STK3: variants seen among roughly 807,000 people sequenced by gnomAD.
STK3 encodes the protein serine/threonine kinase 3, also known as serine/threonine-protein kinase 3.
Under a neutral mutation model 58.0 loss-of-function variants are expected in STK3, and 41 were observed. The ratio of observed to expected loss-of-function variants is 0.71; its 90% CI spans 0.55 to 0.92. STK3 has a LOEUF of 0.92. Among genes scored for constraint, STK3 ranks in the 40% least tolerant of loss-of-function variants. The pLI, the probability that STK3 is intolerant of heterozygous loss-of-function variation, is 0.00. For synonymous variants in STK3, 170 were observed against 191.0 expected (o/e 0.89, Z 0.91); for missense variants, 479 against 602.7 (o/e 0.79, Z 2.15).
intron 6 of STK3, among the ~76,000 whole-genome samples, chr8:98,684,347 T>C (rs1164861631): frequency 3.3e-5 from 5 of 152,154 alleles, no homozygotes; most frequent in Non-Finnish European, 7.4e-5. Flanking sequence ...CTTTGGGTAC[T>C]GTGTAACGTC....
chr8:98,477,743 C>G (rs2131262132), intron 10 of STK3, among the ~76,000 whole-genome samples: 1 of 84,212 alleles, frequency 1.2e-5, no homozygotes, highest in African/African-American at 4.8e-5. Context: ...CTAATGAAGG[C>G]AAGGGAGAGG....
chr8:98,371,862 T>C (rs932011806), intron 2 of STK3, among the ~76,000 whole-genome samples: 4 of 152,184 alleles, frequency 2.6e-5, no homozygotes, highest in Non-Finnish European at 5.9e-5. Flanking sequence ...TTGAATTGTC[T>C]CTCCCCAAAT....
intron 1 of STK3, among the ~76,000 whole-genome samples, chr8:98,893,486 G>GAGAAAGAAAGAAAGAAAGAAAGAA (rs570277403): frequency 1.2e-4 from 5 of 42,998 alleles, no homozygotes; most frequent in Non-Finnish European, 1.3e-4. Context: ...AAGAAAGAAA[G>GAGAAAGAAAGAAAGAAAGAAAGAA]AGAAAGAAAG....
intron 6 of STK3, among the ~76,000 whole-genome samples, chr8:98,678,012 A>G (rs886689120): frequency 2.0e-5 from 3 of 152,210 alleles, no homozygotes; most frequent in African/African-American, 4.8e-5. Flanking sequence ...TGGCAGGTAC[A>G]ATACATTTTA....
At chr8:98,820,434 C>G (rs1834815359) in intron 1 of STK3, among the ~76,000 whole-genome samples, 1 of 152,188 alleles carries the variant, frequency 6.6e-6, no homozygotes, top group Non-Finnish European at 1.5e-5. Context: ...ACTACTAACA[C>G]TATAACCTAT....
Position 98,428,275 on chromosome 8 carries a change from T to G in STK3, n.483+5852A>C. 1.2e-6 allele frequency: 2 copies of G among 1,614,110 alleles called. No homozygotes were observed. The highest frequency in any genetic ancestry group is 2.2e-5 in the South Asian group (2 of 91,076). The stretch of plus-strand genomic sequence containing the variant: ...CACGTCATGGCTGAGCTATGTGTCT[T>G]CTCCTTCAGCCAGGAGATCGAGTAC... On this transcript the variant is annotated intron_variant and non_coding_transcript_variant, in intron 3 of 3. Transcript: ENST00000517832. The surrounding 1 kb of genome is among the most constrained non-coding windows in gnomAD (Gnocchi z 6.7).
chr8:98,716,783 T>G (rs1462188925), intron 4 of STK3, among the ~76,000 whole-genome samples: 4 of 152,084 alleles, frequency 2.6e-5, no homozygotes, highest in African/African-American at 4.8e-5. Context: ...ATTACAAAGC[T>G]ATAGTAATCA....
At chr8:98,632,361 A>G (rs1275499004) in intron 6 of STK3, among the ~76,000 whole-genome samples, 3 of 152,210 alleles carry the variant, frequency 2.0e-5, no homozygotes, top group Non-Finnish European at 4.4e-5. Flanking sequence ...ACTTTATAAT[A>G]AAACTATATA....
intron 3 of STK3, among the ~76,000 whole-genome samples, chr8:98,873,822 G>C (rs1379846607): frequency 6.6e-6 from 1 of 152,072 alleles, no homozygotes; most frequent in Non-Finnish European, 1.5e-5. Flanking sequence ...TCTTTTAAGT[G>C]GAGCATTTAG....
intron 4 of STK3, among the ~76,000 whole-genome samples, chr8:98,714,941 C>T (rs1251464448): frequency 2.0e-5 from 3 of 151,914 alleles, no homozygotes; most frequent in South Asian, 2.1e-4. Context: ...GAGAAACAGA[C>T]CAATGGAACA....
Position 98,665,696 on chromosome 8 carries a change from T to C in STK3, c.684+40771A>G, listed in dbSNP as rs575822859. Among the ~76,000 whole-genome samples the C allele has an allele frequency of 2.2e-4, 32 of 147,914 alleles. 1 individual carries two copies. Among genetic ancestry groups the C allele is most frequent in the Middle Eastern group, 3.5e-3 (1 of 288 alleles). ...AGGCATGAGCCACAACCACACCCAG[T>C]ACCCATCCTGATTTTTTTTTTTTTT... On this transcript the variant is annotated intron_variant, in intron 6 of 10. Coordinates refer to ENST00000419617, the MANE Select transcript of STK3 (RefSeq NM_006281.4).
chr8:98,356,131 G>T, the STK3 span, among the ~76,000 whole-genome samples: 2 of 152,218 alleles, frequency 1.3e-5, no homozygotes, highest in Non-Finnish European at 2.9e-5. Flanking sequence ...TAGCAGCATT[G>T]CTGGAAGAAG....
intron 1 of STK3, among the ~76,000 whole-genome samples, chr8:98,920,270 T>C (rs923601499): frequency 5.3e-5 from 8 of 152,034 alleles, no homozygotes; most frequent in African/African-American, 1.9e-4. Flanking sequence ...AAATTGGAGG[T>C]TGGGGTAGGT....
At chr8:98,590,616 A>G (rs910023684) in intron 7 of STK3, among the ~76,000 whole-genome samples, 5 of 152,232 alleles carry the variant, frequency 3.3e-5, no homozygotes, top group African/African-American at 1.2e-4. Context: ...AAGTCACAGC[A>G]CCAAATTTCA....
chr8:98,704,475 G>A (rs1255100181), intron 6 of STK3, among the ~76,000 whole-genome samples: 1 of 151,746 alleles, frequency 6.6e-6, no homozygotes, highest in African/African-American at 2.4e-5. Flanking sequence ...TGAGGAAAAA[G>A]AGAAATTTAC....
At chr8:98,677,594 G>C (rs1823321541) in intron 6 of STK3, among the ~76,000 whole-genome samples, 1 of 152,086 alleles carries the variant, frequency 6.6e-6, no homozygotes, top group East Asian at 1.9e-4. Flanking sequence ...TGGAGATGGA[G>C]ACAGAGAAGA....
intron 1 of STK3, among the ~76,000 whole-genome samples, chr8:98,887,280 T>C (rs1304588177): frequency 6.6e-6 from 1 of 152,174 alleles, no homozygotes; most frequent in African/African-American, 2.4e-5. Flanking sequence ...TTCTGAGTGC[T>C]GAAATGATGC....
intron 10 of STK3, among the ~76,000 whole-genome samples, chr8:98,495,306 T>C (rs931467623): frequency 6.6e-6 from 1 of 152,216 alleles, no homozygotes; most frequent in African/African-American, 2.4e-5. Flanking sequence ...TTCTAATCTT[T>C]TTTGGTTTTC....
intron 4 of STK3, among the ~76,000 whole-genome samples, chr8:98,721,397 G>A (rs1359685405): frequency 1.3e-5 from 2 of 152,012 alleles, no homozygotes; most frequent in Non-Finnish European, 2.9e-5. Flanking sequence ...AGTTATGGTG[G>A]CACAGGCCTA....
Sources: gnomAD v4.1 joint callset for allele counts (sites outside exome capture counted in the v4.1 genomes callset) on GRCh38, gnomAD v4.1.1 for gene constraint, Gnocchi (gnomAD v3.1) non-coding constraint, MANE v1.5 for transcripts, NCBI Gene and HGNC (gene_info 2026-07-23, HGNC 2026-07-21) for gene names.